The following ERC2 variants were observed in gnomAD, a reference collection of about 807,000 sequenced individuals.
ERC2 encodes ELKS/RAB6-interacting/CAST family member 2.
Under a neutral mutation model 114.8 loss-of-function variants are expected in ERC2, and 42 were observed. That is an observed-to-expected ratio of 0.37 (90% CI 0.29 to 0.47). The LOEUF (loss-of-function observed/expected upper bound fraction) is 0.47. ERC2 is among the 20% of genes least tolerant of loss of function. The probability of loss-of-function intolerance (pLI) is 0.99; values close to 1 mark genes in which losing one functional copy is unlikely to be tolerated. For synonymous variants in ERC2, 454 were observed against 425.5 expected (o/e 1.07, Z -0.82); for missense variants, 939 against 1,150.7 (o/e 0.82, Z 2.66).
chr3:56,319,783 C>T (rs1462385783), intron 2 of ERC2, among the ~76,000 whole-genome samples: 5 of 152,040 alleles, frequency 3.3e-5, no homozygotes, highest in Non-Finnish European at 5.9e-5. Flanking sequence ...CCAGCCTGGG[C>T]CACATAGCGA....
intron 10 of ERC2, among the ~76,000 whole-genome samples, chr3:55,995,049 C>T (rs1403807508): frequency 2.0e-5 from 3 of 152,074 alleles, no homozygotes; most frequent in Non-Finnish European, 4.4e-5. Flanking sequence ...AAATAGACAA[C>T]CTCGGCCGGG....
intron 17 of ERC2, among the ~76,000 whole-genome samples, chr3:55,556,261 T>C (rs1175018716): frequency 1.3e-5 from 2 of 152,180 alleles, no homozygotes; most frequent in Admixed American, 6.5e-5. Context: ...GTACCCTTTC[T>C]CTCACTGCAT....
At chr3:56,301,815 T>A (rs368649760) in intron 2 of ERC2, among the ~76,000 whole-genome samples, 76 of 152,310 alleles carry the variant, frequency 5.0e-4, no homozygotes, top group African/African-American at 1.7e-3. Context: ...TGATAAACTT[T>A]CTGTGCCTCG....
chr3:56,404,171 A>T (rs888235004), intron 2 of ERC2, among the ~76,000 whole-genome samples: 7 of 152,246 alleles, frequency 4.6e-5, no homozygotes, highest in Admixed American at 3.9e-4. Context: ...AGTGAAGAAA[A>T]GTATTAGACC....
chr3:55,737,237 T>C (rs1254411776), intron 14 of ERC2, among the ~76,000 whole-genome samples: 3 of 152,180 alleles, frequency 2.0e-5, no homozygotes, highest in Admixed American at 6.5e-5. Context: ...GAGCTTCTGT[T>C]TGAAGCTCAC....
chr3:55,922,680 C>T (rs1442664092), intron 13 of ERC2, among the ~76,000 whole-genome samples: 1 of 152,156 alleles, frequency 6.6e-6, no homozygotes, highest in African/African-American at 2.4e-5. Flanking sequence ...CCAGGTCCCC[C>T]ACAGGGAAAT....
chr3:55,600,237 A>G lies in ERC2; in HGVS notation c.*39+83557T>C, dbSNP rs2058336950. Among the ~76,000 whole-genome samples the G allele has an allele frequency of 2.0e-5, 3 of 152,234 alleles. No homozygotes were observed. In the South Asian group the frequency reaches 6.2e-4, roughly 32 times the overall value. On this transcript the variant is annotated intron_variant, in intron 17 of 17. Transcript: ENST00000288221. ...AGAAAAAAAGACCAAAAACTAAGAAAGGGAGCAATAAATTAATGCAATGAA... is the reference window on the plus strand; with the variant it reads ...AGAAAAAAAGACCAAAAACTAAGAAGGGGAGCAATAAATTAATGCAATGAA...
At chr3:55,788,668 T>TC (rs1448752262) in intron 14 of ERC2, among the ~76,000 whole-genome samples, 18 of 152,282 alleles carry the variant, frequency 1.2e-4, no homozygotes, top group Non-Finnish European at 2.2e-4. Flanking sequence ...ACCCTACCTC[T>TC]CCCCAAGGTC....
chr3:56,302,519 T>C (rs2055949975), intron 2 of ERC2, among the ~76,000 whole-genome samples: 1 of 152,190 alleles, frequency 6.6e-6, no homozygotes, highest in African/African-American at 2.4e-5. Flanking sequence ...CAGGATACAA[T>C]ACAAGTGAAC....
intron 17 of ERC2, among the ~76,000 whole-genome samples, chr3:55,552,405 C>T (rs6785138): frequency 0.11 from 17,479 of 152,198 alleles, 1,540 homozygotes; most frequent in African/African-American, 0.25. Flanking sequence ...TCTCCTCCTT[C>T]TCTTTTCCCT....
At chr3:56,255,617 G>A (rs1240064451) in intron 3 of ERC2, among the ~76,000 whole-genome samples, 2 of 152,170 alleles carry the variant, frequency 1.3e-5, no homozygotes, top group Non-Finnish European at 2.9e-5. Context: ...TGGATCTGAG[G>A]AGCCCACATC....
intron 14 of ERC2, among the ~76,000 whole-genome samples, chr3:55,862,932 TG>T (rs1360622681): frequency 6.6e-6 from 1 of 152,186 alleles, no homozygotes; most frequent in Non-Finnish European, 1.5e-5. Context: ...AAGACATTAC[TG>T]GAGAGCCTGT....
intron 3 of ERC2, among the ~76,000 whole-genome samples, chr3:56,283,239 A>T (rs1229464328): frequency 1.3e-5 from 2 of 152,234 alleles, no homozygotes; most frequent in Admixed American, 1.3e-4. Context: ...CTTTGAAATC[A>T]TCTAAACCTT....
chr3:56,226,018 C>T (rs142317023), intron 3 of ERC2, among the ~76,000 whole-genome samples: 292 of 152,228 alleles, frequency 1.9e-3, no homozygotes, highest in African/African-American at 6.4e-3. Context: ...AGTACTATCG[C>T]GACAGAGATG....
intron 14 of ERC2, among the ~76,000 whole-genome samples, chr3:55,804,168 C>T (rs1270294833): frequency 1.3e-5 from 2 of 152,140 alleles, no homozygotes; most frequent in African/African-American, 4.8e-5. Flanking sequence ...ATAAATTTCA[C>T]CAACAATAAT....
chr3:56,235,594 C>T (rs76508238), intron 3 of ERC2, among the ~76,000 whole-genome samples: 190 of 152,302 alleles, frequency 1.2e-3, no homozygotes, highest in African/African-American at 4.4e-3. Flanking sequence ...ATTCTCAACA[C>T]TCCCTTCTGT....
At chr3:55,898,949 G>A (rs1441143721) in intron 13 of ERC2, among the ~76,000 whole-genome samples, 2 of 152,196 alleles carry the variant, frequency 1.3e-5, no homozygotes, top group African/African-American at 4.8e-5. Context: ...TGCTGGCAAC[G>A]TTGTAACTTT....
At position 56,265,758 on chromosome 3, in the gene ERC2, G is replaced by C. The variant is rs984795734; in HGVS notation, c.1074+30261C>G. 3.9e-5 allele frequency among the ~76,000 whole-genome samples: 6 copies of C among 152,256 alleles called. No homozygotes were observed. In the East Asian group the frequency reaches 9.7e-4, roughly 25 times the overall value. On this transcript the variant is annotated intron_variant, in intron 3 of 17. Coordinates refer to ENST00000288221, the MANE Select transcript of ERC2 (RefSeq NM_015576.3). ...AACAAAACTCAATAGGCCAGGCACAGTGGCTCATGCCTGTAATCCCGACAC... is the reference window on the plus strand; with the variant it reads ...AACAAAACTCAATAGGCCAGGCACACTGGCTCATGCCTGTAATCCCGACAC...
chr3:56,412,103 G>A (rs1317173279), intron 2 of ERC2, among the ~76,000 whole-genome samples: 2 of 152,206 alleles, frequency 1.3e-5, no homozygotes, highest in African/African-American at 4.8e-5. Flanking sequence ...TGTCCTTATA[G>A]GAGAAAGGTA....
Sources: gnomAD v4.1 joint callset for allele counts (sites outside exome capture counted in the v4.1 genomes callset) on GRCh38, gnomAD v4.1.1 for gene constraint, MANE v1.5 for transcripts, NCBI Gene and HGNC (gene_info 2026-07-23, HGNC 2026-07-21) for gene names.